TENM1: variants seen among roughly 807,000 people sequenced by gnomAD.
TENM1 encodes teneurin-1.
In TENM1, 35 loss-of-function variants were observed where a neutral mutation model predicts 174.8. The ratio of observed to expected loss-of-function variants is 0.20; its 90% CI spans 0.15 to 0.27. TENM1 has a LOEUF of 0.27. TENM1 is among the 10% of genes least tolerant of loss of function. The pLI is 1.00. For synonymous variants in TENM1, 781 were observed against 798.7 expected (o/e 0.98, Z 0.37); for missense variants, 1,633 against 2,130.1 (o/e 0.77, Z 4.59).
chrX:125,106,960 C>G, the TENM1 span, among the ~76,000 whole-genome samples: 5,170 of 111,620 alleles, frequency 0.046, 322 homozygotes, highest in African/African-American at 0.16. Flanking sequence ...CTACTTCAGA[C>G]AGAATGATAG....
chrX:124,880,259 T>A (rs1273020911), intron 3 of TENM1, among the ~76,000 whole-genome samples: 1 of 111,659 alleles, frequency 9.0e-6, no homozygotes, highest in Non-Finnish European at 1.9e-5. Context: ...CTTGGTTCAA[T>A]TTATTTCTAG....
intron 11 of TENM1, among the ~76,000 whole-genome samples, chrX:124,589,884 CT>C (rs1470852316): frequency 9.0e-6 from 1 of 110,509 alleles, no homozygotes; most frequent in Non-Finnish European, 1.9e-5. Flanking sequence ...TTTGTTAATT[CT>C]TTGCTTGGAT....
chrX:124,584,493 T>G (rs2049433035), intron 11 of TENM1, among the ~76,000 whole-genome samples: 1 of 103,710 alleles, frequency 9.6e-6, no homozygotes, highest in African/African-American at 3.5e-5. Context: ...GCTGAGAGAT[T>G]TTGTCACCAC....
chrX:124,482,181 G>C (rs762503946), intron 21 of TENM1, among the ~76,000 whole-genome samples: 2 of 110,286 alleles, frequency 1.8e-5, no homozygotes, highest in African/African-American at 6.6e-5. Context: ...TAATGATGCT[G>C]ACATTCCGAT....
chrX:124,967,325 G>A (rs747639455), upstream of TENM1, among the ~76,000 whole-genome samples: 4 of 111,480 alleles, frequency 3.6e-5, no homozygotes, highest in Non-Finnish European at 7.5e-5. Flanking sequence ...CAGAGATGTA[G>A]TTTTACAGCC....
chrX:124,686,186 G>T (rs2052360929), intron 5 of TENM1, among the ~76,000 whole-genome samples: 1 of 100,580 alleles, frequency 9.9e-6, no homozygotes, highest in African/African-American at 4.3e-5. Flanking sequence ...GGCTAGGAGA[G>T]AGAGGGGTGA....
intron 23 of TENM1, among the ~76,000 whole-genome samples, chrX:124,429,942 G>A (rs761107998): frequency 1.8e-5 from 2 of 112,009 alleles, no homozygotes; most frequent in South Asian, 3.8e-4. Context: ...CATGGAGAGT[G>A]GTATATGCTG....
intron 1 of TENM1, among the ~76,000 whole-genome samples, chrX:124,913,027 A>C (rs1009222710): frequency 1.8e-5 from 2 of 111,456 alleles, no homozygotes; most frequent in African/African-American, 6.5e-5. Context: ...TCCATTAAGA[A>C]TTAGTAAAAA....
chrX:124,665,633 G>T (rs903794223), intron 6 of TENM1, among the ~76,000 whole-genome samples: 3 of 112,046 alleles, frequency 2.7e-5, no homozygotes, highest in Admixed American at 9.4e-5. Context: ...TACTTGTATT[G>T]GCTCATTATT....
At chrX:125,138,190 C>A in the TENM1 span, among the ~76,000 whole-genome samples, 1 of 111,049 alleles carries the variant, frequency 9.0e-6, no homozygotes, top group Non-Finnish European at 1.9e-5. Flanking sequence ...AAATGCTGCC[C>A]CTGGTATAAA....
chrX:124,649,032 C>T (rs1046523772), intron 8 of TENM1, among the ~76,000 whole-genome samples: 1 of 111,631 alleles, frequency 9.0e-6, no homozygotes, highest in Non-Finnish European at 1.9e-5. Flanking sequence ...GACATTGGAA[C>T]AGCCGAGGGA....
chrX:124,378,848 C>T (rs2060127889), exon 32 of TENM1: 1 of 112,114 alleles, frequency 8.9e-6, no homozygotes, highest in Admixed American at 9.5e-5. Flanking sequence ...AAGGCAATGA[C>T]CCCACACTGC....
intron 3 of TENM1, among the ~76,000 whole-genome samples, chrX:124,844,990 T>C (rs910594036): frequency 1.2e-4 from 13 of 110,995 alleles, no homozygotes; most frequent in African/African-American, 3.6e-4. Flanking sequence ...GCCTAGAGAT[T>C]TGTATGTATA....
rs1395966152 is a variant in TENM1, at chrX:124,889,659, T to C, written c.535+4637A>G. ...CTTGTGGGTACCTAGTAGGTATATA[T>C]ATTTATGGGGTACATGAGATGTTTT... On this transcript the variant is annotated intron_variant, in intron 3 of 31. Coordinates refer to ENST00000422452, the Ensembl canonical transcript of TENM1. 3.6e-5 allele frequency among the ~76,000 whole-genome samples: 4 copies of C among 111,042 alleles called. No homozygotes were observed. In the Admixed American group the frequency reaches 3.8e-4, roughly 11 times the overall value.
the TENM1 span, among the ~76,000 whole-genome samples, chrX:125,005,901 T>C: frequency 9.0e-6 from 1 of 111,673 alleles, no homozygotes; most frequent in Non-Finnish European, 1.9e-5. Flanking sequence ...CTTGTGAGCC[T>C]ATACCACTAG....
the TENM1 span, among the ~76,000 whole-genome samples, chrX:125,161,223 CAT>C: frequency 2.5e-4 from 28 of 111,045 alleles, no homozygotes; most frequent in Non-Finnish European, 5.1e-4. Flanking sequence ...TCTAAAATGA[CAT>C]AGTATTTGCA....
intron 1 of TENM1, among the ~76,000 whole-genome samples, chrX:124,946,574 A>G (rs189577250): frequency 9.0e-6 from 1 of 111,367 alleles, no homozygotes; most frequent in East Asian, 2.8e-4. Context: ...TCAGAATATG[A>G]TATCTTGAAA....
chrX:124,780,576 A>G (rs1466713635), intron 3 of TENM1, among the ~76,000 whole-genome samples: 1 of 111,626 alleles, frequency 9.0e-6, no homozygotes, highest in Non-Finnish European at 1.9e-5. Context: ...GAGAATGTAA[A>G]GTGAGGTCAC....
At chrX:125,093,279 C>T in the TENM1 span, among the ~76,000 whole-genome samples, 1 of 111,440 alleles carries the variant, frequency 9.0e-6, no homozygotes, top group Non-Finnish European at 1.9e-5. Context: ...CCTCTCCTCT[C>T]TGCAGCTCAA....
Sources: gnomAD v4.1 joint callset for allele counts (sites outside exome capture counted in the v4.1 genomes callset) on GRCh38, gnomAD v4.1.1 for gene constraint, MANE v1.5 for transcripts, NCBI Gene and HGNC (gene_info 2026-07-23, HGNC 2026-07-21) for gene names.